The following STXBP4 variants were observed in gnomAD, a reference collection of about 807,000 sequenced individuals.
STXBP4 encodes the protein syntaxin-binding protein 4.
In STXBP4, 55 loss-of-function variants were observed where a neutral mutation model predicts 76.1. The observed-to-expected ratio is 0.72, with a 90% CI of 0.58 to 0.91. STXBP4 has a LOEUF of 0.91. STXBP4 is among the 40% of genes least tolerant of loss of function. STXBP4 has a pLI of 0.00. For missense variants in STXBP4, 618 were observed against 636.9 expected (o/e 0.97, Z 0.32); for synonymous variants, 201 against 220.2 (o/e 0.91, Z 0.77).
At chr17:55,157,244 A>G (rs1191078973) in intron 17 of STXBP4, among the ~76,000 whole-genome samples, 1 of 152,238 alleles carries the variant, frequency 6.6e-6, no homozygotes. Context: ...ATTTTAAAAT[A>G]AGCAAAGCTG....
chr17:55,000,283 G>C, intron 6 of STXBP4: 1 of 984,892 alleles, frequency 1.0e-6, no homozygotes, highest in Non-Finnish European at 1.2e-6. Context: ...CTTCATGTGT[G>C]CATGCTATAG....
At chr17:55,041,643 C>G (rs2078700617) in intron 10 of STXBP4, among the ~76,000 whole-genome samples, 1 of 152,064 alleles carries the variant, frequency 6.6e-6, no homozygotes, top group Admixed American at 6.6e-5. Context: ...GTTCCATGAG[C>G]TAGTTCAAAA....
At chr17:55,190,814 G>C in the STXBP4 span, among the ~76,000 whole-genome samples, 1 of 152,116 alleles carries the variant, frequency 6.6e-6, no homozygotes, top group African/African-American at 2.4e-5. Context: ...GTAATACAGT[G>C]ATGCCCTCAG....
rs1308752190 is a variant in STXBP4 at position 54,999,334 on chromosome 17, GT to G, written c.181-6del. The stretch of plus-strand genomic sequence containing the variant: ...CATTAGTTCCTTTATAAATGTTACT[GT>G]TTTTGTTAGGATGGTCGTTTGAAGC... On this transcript the variant is annotated splice_polypyrimidine_tract_variant and intron_variant, in intron 4 of 17. Transcript: ENST00000376352. 2 of 1,597,030 alleles carry G rather than the reference GT, an allele frequency of 1.3e-6. No individual in the cohort carries two copies. Among genetic ancestry groups the G allele is most frequent in the Non-Finnish European group, 1.7e-6 (2 of 1,171,052 alleles).
intron 16 of STXBP4, among the ~76,000 whole-genome samples, chr17:55,127,289 C>T (rs891047375): frequency 6.6e-6 from 1 of 152,078 alleles, no homozygotes; most frequent in Non-Finnish European, 1.5e-5. Flanking sequence ...TCCTTGTATG[C>T]GTAATGTTGA....
chr17:54,980,112 C>T (rs150751276), intron 1 of STXBP4, among the ~76,000 whole-genome samples: 84 of 152,136 alleles, frequency 5.5e-4, no homozygotes, highest in Non-Finnish European at 1.1e-3. Context: ...AAATATAACA[C>T]GTATGAATTG....
intron 16 of STXBP4, among the ~76,000 whole-genome samples, chr17:55,119,472 A>G (rs542625303): frequency 2.0e-5 from 3 of 152,138 alleles, no homozygotes; most frequent in South Asian, 4.1e-4. Flanking sequence ...TTAATTCTCA[A>G]TCCACTTTAA....
intron 3 of STXBP4, among the ~76,000 whole-genome samples, chr17:54,990,179 T>C (rs1428958979): frequency 6.6e-6 from 1 of 152,242 alleles, no homozygotes; most frequent in African/African-American, 2.4e-5. Context: ...TCACCATACT[T>C]TTTAAAAATG....
intron 16 of STXBP4, among the ~76,000 whole-genome samples, chr17:55,098,728 C>T (rs1311232652): frequency 6.6e-6 from 1 of 152,202 alleles, no homozygotes; most frequent in African/African-American, 2.4e-5. Context: ...ACCTAATCAC[C>T]TGTCTAATGT....
At chr17:55,130,726 A>G (rs914867483) in intron 16 of STXBP4, among the ~76,000 whole-genome samples, 4 of 152,022 alleles carry the variant, frequency 2.6e-5, no homozygotes, top group African/African-American at 9.7e-5. Context: ...TTTCATTTCT[A>G]TGAGTTTGAC....
At chr17:54,978,619 A>G (rs917175991) in intron 1 of STXBP4, among the ~76,000 whole-genome samples, 17 of 152,212 alleles carry the variant, frequency 1.1e-4, no homozygotes, top group African/African-American at 4.1e-4. Context: ...TAAAGGAGAC[A>G]TAATTAGAAA....
chr17:55,039,093 G>A (rs1263532272), intron 10 of STXBP4, among the ~76,000 whole-genome samples: 1 of 152,104 alleles, frequency 6.6e-6, no homozygotes, highest in Non-Finnish European at 1.5e-5. Flanking sequence ...ATTAAGATAG[G>A]TAAAACTTGG....
At chr17:55,177,792 C>A (rs1481583471), downstream of STXBP4, among the ~76,000 whole-genome samples, 1 of 152,206 alleles carries the variant, frequency 6.6e-6, no homozygotes, top group African/African-American at 2.4e-5. Context: ...CCTCTGACAT[C>A]TTTTATTGTA....
Position 55,163,707 on chromosome 17 carries a change from CT to C in STXBP4, c.*3797del, listed in dbSNP as rs2080357015. The C allele has an allele frequency of 6.6e-6, 1 of 152,342 alleles. No individual in the cohort carries two copies. The highest frequency in any genetic ancestry group is 1.5e-5 in the Non-Finnish European group (1 of 67,982). 9.4% of individuals were successfully genotyped at this position (152,342 alleles called of 1,614,324 possible). ...CCATTTTTCTTTCTTTTTTTTCCCC[CT>C]AAACAACCTCTTAAAGGGGTAAGAA... On this transcript the variant is annotated 3_prime_UTR_variant, in exon 18 of 18. Coordinates refer to ENST00000376352, the MANE Select transcript of STXBP4 (RefSeq NM_178509.6).
At chr17:55,144,275 C>T (rs1029437791) in intron 17 of STXBP4, among the ~76,000 whole-genome samples, 1 of 152,058 alleles carries the variant, frequency 6.6e-6, no homozygotes, top group Admixed American at 6.6e-5. Context: ...TTTTACCCAG[C>T]CTCATGAAGG....
chr17:55,069,240 T>C (rs539724777), intron 12 of STXBP4, among the ~76,000 whole-genome samples: 1 of 152,190 alleles, frequency 6.6e-6, no homozygotes, highest in South Asian at 2.1e-4. Flanking sequence ...TGCTTAGTAT[T>C]AAAAAGCATA....
intron 16 of STXBP4, among the ~76,000 whole-genome samples, chr17:55,109,187 G>T (rs1276273532): frequency 1.3e-5 from 2 of 152,074 alleles, no homozygotes; most frequent in African/African-American, 2.4e-5. Flanking sequence ...TATTGCCTAA[G>T]ACTATTATTC....
At chr17:55,030,107 C>T (rs1336179109) in intron 8 of STXBP4, among the ~76,000 whole-genome samples, 3 of 152,092 alleles carry the variant, frequency 2.0e-5, no homozygotes, top group East Asian at 1.9e-4. Flanking sequence ...ATATAACTGG[C>T]GAACTCAAAA....
intron 16 of STXBP4, among the ~76,000 whole-genome samples, chr17:55,089,773 G>C (rs1257514694): frequency 6.6e-6 from 1 of 152,064 alleles, no homozygotes; most frequent in Non-Finnish European, 1.5e-5. Context: ...TGCATAATAA[G>C]AAAAAATCTG....
Sources: gnomAD v4.1 joint callset for allele counts (sites outside exome capture counted in the v4.1 genomes callset) on GRCh38, gnomAD v4.1.1 for gene constraint, MANE v1.5 for transcripts, NCBI Gene and HGNC (gene_info 2026-07-23, HGNC 2026-07-21) for gene names.